CSMD1: variants seen among roughly 807,000 people sequenced by gnomAD.
The protein encoded by CSMD1 is CUB and Sushi multiple domains 1.
Under a neutral mutation model 417.5 loss-of-function variants are expected in CSMD1, and 213 were observed. The ratio of observed to expected loss-of-function variants is 0.51; its 90% CI spans 0.46 to 0.57. CSMD1 has a LOEUF of 0.57. CSMD1 is among the 20% of genes least tolerant of loss of function. CSMD1 has a pLI of 0.00. For missense variants in CSMD1, 6,923 were observed against 4,529.7 expected (o/e 1.53, Z -15.17); for synonymous variants, 2,862 against 1,736.8 (o/e 1.65, Z -16.11).
chr8:4,794,113 G>A (rs1797845295), intron 1 of CSMD1, among the ~76,000 whole-genome samples: 4 of 152,120 alleles, frequency 2.6e-5, no homozygotes, highest in Admixed American at 2.6e-4. Context: ...GATAAGTACT[G>A]TTCCCTCATA....
intron 5 of CSMD1, among the ~76,000 whole-genome samples, chr8:3,986,999 C>T (rs970290014): frequency 6.6e-6 from 1 of 152,160 alleles, no homozygotes; most frequent in Non-Finnish European, 1.5e-5. Flanking sequence ...AAATAATCCA[C>T]CTGCCTCAGC....
intron 1 of CSMD1, among the ~76,000 whole-genome samples, chr8:4,870,732 T>G (rs1022093956): frequency 2.6e-5 from 4 of 152,100 alleles, no homozygotes; most frequent in African/African-American, 9.7e-5. Context: ...TTCCAGACAT[T>G]CATTTAACTA....
chr8:4,094,205 GC>G (rs1211047770), intron 3 of CSMD1, among the ~76,000 whole-genome samples: 71 of 152,006 alleles, frequency 4.7e-4, no homozygotes, highest in Non-Finnish European at 9.0e-4. Flanking sequence ...CTGGGTGTGA[GC>G]TTGGCTGCAC....
intron 5 of CSMD1, among the ~76,000 whole-genome samples, chr8:3,981,142 G>C (rs1302607947): frequency 2.0e-5 from 3 of 152,206 alleles, no homozygotes; most frequent in South Asian, 4.1e-4. Flanking sequence ...ATGGAAAACA[G>C]TGATAGTTAC....
intron 3 of CSMD1, among the ~76,000 whole-genome samples, chr8:4,313,069 A>G (rs551045906): frequency 3.3e-5 from 5 of 152,322 alleles, no homozygotes; most frequent in Admixed American, 6.5e-5. Flanking sequence ...ATATAGTCCC[A>G]TGATAGCCAT....
chr8:4,502,172 A>C (rs1224869264), intron 2 of CSMD1, among the ~76,000 whole-genome samples: 1 of 152,200 alleles, frequency 6.6e-6, no homozygotes, highest in African/African-American at 2.4e-5. Context: ...CTCCTAAAAC[A>C]GTAATCATTC....
At chr8:4,783,456 G>A (rs564732671) in intron 1 of CSMD1, among the ~76,000 whole-genome samples, 1 of 152,058 alleles carries the variant, frequency 6.6e-6, no homozygotes, top group East Asian at 1.9e-4. Context: ...CTGCTGCCCT[G>A]GTCAGAACAA....
At chr8:4,494,292 A>G (rs896633582) in intron 2 of CSMD1, among the ~76,000 whole-genome samples, 2 of 152,224 alleles carry the variant, frequency 1.3e-5, no homozygotes, top group African/African-American at 4.8e-5. Flanking sequence ...TAACTTTCAT[A>G]GACAAAACAT....
At chr8:3,278,014 A>G (rs1321471597) in intron 26 of CSMD1, among the ~76,000 whole-genome samples, 1 of 152,174 alleles carries the variant, frequency 6.6e-6, no homozygotes, top group Non-Finnish European at 1.5e-5. Context: ...GCTTCTTAAA[A>G]AATATATGGA....
At chr8:3,527,930 C>T (rs1285014026) in intron 10 of CSMD1, among the ~76,000 whole-genome samples, 2 of 152,178 alleles carry the variant, frequency 1.3e-5, no homozygotes, top group Admixed American at 1.3e-4. Flanking sequence ...TAGGGCAGTT[C>T]TGTGCAGGTC....
chr8:4,491,694 C>T (rs1044791540), intron 2 of CSMD1, among the ~76,000 whole-genome samples: 46 of 152,108 alleles, frequency 3.0e-4, no homozygotes, highest in Non-Finnish European at 8.8e-5. Flanking sequence ...AATGAAGAAT[C>T]GCTAAAATCC....
At chr8:3,975,945 C>A (rs1016695562) in intron 5 of CSMD1, among the ~76,000 whole-genome samples, 1 of 151,798 alleles carries the variant, frequency 6.6e-6, no homozygotes, top group African/African-American at 2.4e-5. Context: ...TATGTTTTAT[C>A]TATCAGTTTT....
At chr8:4,298,475 T>C (rs1172906478) in intron 3 of CSMD1, among the ~76,000 whole-genome samples, 3 of 152,136 alleles carry the variant, frequency 2.0e-5, no homozygotes, top group Non-Finnish European at 4.4e-5. Flanking sequence ...GTGAGTACAA[T>C]GTATATTATT....
Position 4,854,953 on chromosome 8 carries a change from TG to T in CSMD1, c.85+139378del, listed in dbSNP as rs758293159. 3.2e-3 allele frequency among the ~76,000 whole-genome samples: 483 copies of T among 152,324 alleles called. 2 individuals carry two copies. The highest frequency in any genetic ancestry group is 4.3e-3 in the Non-Finnish European group (292 of 68,030). ...TGCCTGCCTCTGTAGGCTCCACCTC[TG>T]GGGGCAGGGCACAGACAAACAAAAA... On this transcript the variant is annotated intron_variant, in intron 1 of 69. Transcript: ENST00000635120.
intron 1 of CSMD1, among the ~76,000 whole-genome samples, chr8:4,871,620 C>G (rs1299498595): frequency 6.6e-6 from 1 of 152,034 alleles, no homozygotes; most frequent in Non-Finnish European, 1.5e-5. Flanking sequence ...GTTGGAAAGC[C>G]ATAGCAGTAA....
intron 1 of CSMD1, among the ~76,000 whole-genome samples, chr8:4,709,396 C>T (rs548530616): frequency 2.1e-4 from 32 of 152,188 alleles, no homozygotes; most frequent in Non-Finnish European, 3.7e-4. Flanking sequence ...AGCCAAGGGA[C>T]GAACATAAAG....
intron 3 of CSMD1, among the ~76,000 whole-genome samples, chr8:4,134,965 G>C (rs181475185): frequency 6.6e-6 from 1 of 152,120 alleles, no homozygotes; most frequent in Admixed American, 6.5e-5. Context: ...TTGTATACTA[G>C]GCAGGCTCAG....
At chr8:4,644,595 C>G (rs1022481313) in intron 1 of CSMD1, among the ~76,000 whole-genome samples, 1 of 152,144 alleles carries the variant, frequency 6.6e-6, no homozygotes, top group East Asian at 1.9e-4. Context: ...TTAGTAGAGA[C>G]AGGGTTGTTC....
At chr8:4,196,710 G>C (rs1323246115) in intron 3 of CSMD1, among the ~76,000 whole-genome samples, 2 of 152,052 alleles carry the variant, frequency 1.3e-5, no homozygotes, top group Non-Finnish European at 2.9e-5. Flanking sequence ...AGCTAGAATA[G>C]GTCCACCAGG....
Sources: allele counts gnomAD v4.1 joint callset (sites outside exome capture counted in the v4.1 genomes callset), GRCh38; gene constraint gnomAD v4.1.1; transcripts MANE v1.5; gene names NCBI Gene and HGNC (gene_info 2026-07-23, HGNC 2026-07-21).